The following ZC3HAV1 variants were observed in gnomAD, a reference collection of about 807,000 sequenced individuals.
The protein encoded by ZC3HAV1 is zinc finger CCCH-type containing, antiviral 1.
Under a neutral mutation model 86.6 loss-of-function variants are expected in ZC3HAV1, and 41 were observed. The ratio of observed to expected loss-of-function variants is 0.47; its 90% confidence interval spans 0.37 to 0.61. The LOEUF (loss-of-function observed/expected upper bound fraction) is 0.61, where lower values mean the gene tolerates loss of function less well. ZC3HAV1 is among the 20% of genes least tolerant of loss of function. The pLI, the probability that ZC3HAV1 is intolerant of heterozygous loss-of-function variation, is 0.00. For synonymous variants in ZC3HAV1, 421 were observed against 432.1 expected (o/e 0.97, Z 0.32); for missense variants, 964 against 1,141.1 (o/e 0.84, Z 2.24).
chr7:139,051,202 C>T (rs1402928262), intron 12 of ZC3HAV1, among the ~76,000 whole-genome samples: 2 of 151,946 alleles, frequency 1.3e-5, no homozygotes, highest in Non-Finnish European at 2.9e-5. Flanking sequence ...GGATTACAGG[C>T]ATGGGCCACT....
At chr7:139,075,163 T>C (rs1288447150) in intron 6 of ZC3HAV1, among the ~76,000 whole-genome samples, 2 of 152,044 alleles carry the variant, frequency 1.3e-5, no homozygotes, top group Non-Finnish European at 2.9e-5. Context: ...AGTGCTGAGG[T>C]TGAGAAACCC....
rs113008924 is a variant in ZC3HAV1, at chr7:139,088,171, T to C, written c.444+1453A>G. Reference sequence around the variant, plus strand: ...TTTAACTGTGAGGCTAACTTCTCTATTCATGGATTTTATCCAGCCAGATAC... The same window carrying C: ...TTTAACTGTGAGGCTAACTTCTCTACTCATGGATTTTATCCAGCCAGATAC... On this transcript the variant is annotated intron_variant, in intron 2 of 12. Coordinates refer to ENST00000242351, the MANE Select transcript of ZC3HAV1 (RefSeq NM_020119.4). 4.2e-3 allele frequency among the ~76,000 whole-genome samples: 643 copies of C among 152,286 alleles called. 4 individuals carry two copies. The highest frequency in any genetic ancestry group is 0.015 in the African/African-American group (616 of 41,558).
At chr7:139,060,966 G>A in intron 9 of ZC3HAV1, 70 bp downstream of exon 9, 1 of 1,608,374 alleles carries the variant, frequency 6.2e-7, no homozygotes, top group Non-Finnish European at 8.5e-7. Context: ...AGATTCACGA[G>A]TGACTTGATG....
chr7:139,081,156 T>C (rs1817117233), intron 3 of ZC3HAV1, among the ~76,000 whole-genome samples: 1 of 151,970 alleles, frequency 6.6e-6, no homozygotes, highest in Admixed American at 6.6e-5. Context: ...ATGCACGTGA[T>C]GTTTATGTGG....
chr7:139,087,217 T>C (rs79200625), intron 2 of ZC3HAV1, among the ~76,000 whole-genome samples: 8,221 of 152,290 alleles, frequency 0.054, 247 homozygotes, highest in Non-Finnish European at 0.067. Context: ...GATATGTCTC[T>C]GATCATCAGC....
At chr7:139,077,853 T>C (rs1467647898) in intron 5 of ZC3HAV1, among the ~76,000 whole-genome samples, 3 of 152,214 alleles carry the variant, frequency 2.0e-5, no homozygotes, top group Non-Finnish European at 4.4e-5. Context: ...GGGACACCCA[T>C]AGAGTGGCCC....
intron 12 of ZC3HAV1, among the ~76,000 whole-genome samples, chr7:139,052,463 G>A (rs1242556146): frequency 6.6e-6 from 1 of 150,684 alleles, no homozygotes; most frequent in African/African-American, 2.5e-5. Context: ...AAATTAGCTG[G>A]GCGTGGTGGC....
intron 1 of ZC3HAV1, among the ~76,000 whole-genome samples, chr7:139,104,250 G>C (rs184617372): frequency 1.4e-5 from 2 of 145,160 alleles, no homozygotes; most frequent in East Asian, 4.1e-4. Flanking sequence ...GAAAAGGAAA[G>C]ACATACAAAC....
chr7:139,081,725 A>T (rs1486887481), intron 3 of ZC3HAV1, among the ~76,000 whole-genome samples: 1 of 152,230 alleles, frequency 6.6e-6, no homozygotes, highest in Non-Finnish European at 1.5e-5. Context: ...AAGGCTAAAA[A>T]ATGACATATC....
intron 1 of ZC3HAV1, among the ~76,000 whole-genome samples, chr7:139,097,410 A>ATTTTTT (rs1563140546): frequency 4.1e-5 from 3 of 73,178 alleles, no homozygotes; most frequent in Non-Finnish European, 2.4e-5. Flanking sequence ...CCATATATAT[A>ATTTTTT]TATATATATA....
chr7:139,066,236 C>T (rs922141667), intron 7 of ZC3HAV1, among the ~76,000 whole-genome samples: 2 of 152,092 alleles, frequency 1.3e-5, no homozygotes, highest in African/African-American at 2.4e-5. Flanking sequence ...GAGGGGCTCA[C>T]GGTTCCTTTT....
intron 9 of ZC3HAV1, among the ~76,000 whole-genome samples, chr7:139,060,177 T>C (rs547927792): frequency 1.8e-3 from 274 of 152,330 alleles, no homozygotes; most frequent in African/African-American, 6.2e-3. Context: ...TCCATATGAC[T>C]TCATAGTTAT....
Position 139,092,311 on chromosome 7 carries a change from T to A in ZC3HAV1, c.309-2552A>T, listed in dbSNP as rs189377224. Among the ~76,000 whole-genome samples the A allele has an allele frequency of 1.4e-3, 206 of 152,166 alleles. 1 individual carries two copies. Among genetic ancestry groups the A allele is most frequent in the African/African-American group, 4.8e-3 (198 of 41,508 alleles). Reference sequence around the variant, plus strand: ...TGCCAGTGAAAGAGCCAAGATGGAGTCTGTCTGGCTCTCTTAGCTAAGGGA... The same window carrying A: ...TGCCAGTGAAAGAGCCAAGATGGAGACTGTCTGGCTCTCTTAGCTAAGGGA... On this transcript the variant is annotated intron_variant, in intron 1 of 12. Transcript: ENST00000242351.
chr7:139,102,726 TATACACAC>T (rs1445719182), intron 1 of ZC3HAV1, among the ~76,000 whole-genome samples: 15 of 125,112 alleles, frequency 1.2e-4, no homozygotes, highest in African/African-American at 5.2e-4. Context: ...ACACTGTCTC[TATACACAC>T]ACACACACAC....
intron 9 of ZC3HAV1, chr7:139,060,428 A>G: frequency 3.0e-6 from 3 of 987,792 alleles, no homozygotes; most frequent in Non-Finnish European, 3.6e-6. Flanking sequence ...AATCCCTTCA[A>G]TCAATATTAT....
At position 139,045,827 on chromosome 7, in the gene ZC3HAV1, A is replaced by G. The variant is rs1484994544; in HGVS notation, c.*1767T>C. ...TGAACACTCCAAAACGAAAGTTACC[A>G]TGAAAGAAATAAGTCAATGAGAATA... On this transcript the variant is annotated 3_prime_UTR_variant, in exon 13 of 13. Transcript: ENST00000242351. The G allele has an allele frequency of 4.6e-5, 7 of 151,864 alleles. No homozygotes were observed. The highest frequency in any genetic ancestry group is 8.8e-5 in the Non-Finnish European group (6 of 67,990). The allele number at this position is 151,864 out of a possible 1,614,324, so 9.4% of individuals were successfully genotyped here.
In ZC3HAV1 at chr7:139,107,121, C is replaced by A. The variant is rs576671781; in HGVS notation, c.308+1903G>T. ...AAAAAACATAACAAAGCCTTCCAAC[C>A]ATGTTATTTGGTGTAGTGCTAGAAC... On this transcript the variant is annotated intron_variant, in intron 1 of 12. Coordinates refer to ENST00000242351, the MANE Select transcript of ZC3HAV1 (RefSeq NM_020119.4). Among the ~76,000 whole-genome samples, 156 of 152,178 alleles carry A rather than the reference C, an allele frequency of 1.0e-3. 2 individuals are homozygous for A. Among genetic ancestry groups the A allele is most frequent in the African/African-American group, 3.7e-3 (154 of 41,518 alleles).
chr7:139,071,451 T>C (rs1816771250), intron 7 of ZC3HAV1, among the ~76,000 whole-genome samples: 1 of 152,102 alleles, frequency 6.6e-6, no homozygotes, highest in Non-Finnish European at 1.5e-5. Flanking sequence ...TGCCAACCCT[T>C]CCCCTTTATA....
chr7:139,079,064 A>G, intron 4 of ZC3HAV1: 1 of 1,533,212 alleles, frequency 6.5e-7, no homozygotes, highest in Non-Finnish European at 8.7e-7. Flanking sequence ...TCTGCTGCAG[A>G]CTCAAGACAC....
Sources: gnomAD v4.1 joint callset for allele counts (sites outside exome capture counted in the v4.1 genomes callset) on GRCh38, gnomAD v4.1.1 for gene constraint, MANE v1.5 for transcripts, NCBI Gene and HGNC (gene_info 2026-07-23, HGNC 2026-07-21) for gene names.